PIEZO2: variants seen among roughly 807,000 people sequenced by gnomAD.
PIEZO2 encodes piezo-type mechanosensitive ion channel component 2.
A neutral mutation model predicts 337.3 loss-of-function variants in PIEZO2; 172 were observed. That is an observed-to-expected ratio of 0.51 (90% CI 0.45 to 0.58). The LOEUF (loss-of-function observed/expected upper bound fraction) is 0.58, where lower values mean the gene tolerates loss of function less well. PIEZO2 is among the 20% of genes least tolerant of loss of function. The probability of loss-of-function intolerance (pLI) is 0.00; values close to 1 mark genes in which losing one functional copy is unlikely to be tolerated. For synonymous variants in PIEZO2, 1,251 were observed against 1,228.5 expected, an observed-to-expected ratio of 1.02 and a Z score of -0.38; for missense variants, 3,028 against 3,391.3, an observed-to-expected ratio of 0.89 and a Z score of 2.66.
At chr18:10,898,206 G>A (rs1376288594) in intron 4 of PIEZO2, among the ~76,000 whole-genome samples, 2 of 152,180 alleles carry the variant, frequency 1.3e-5, no homozygotes, top group Non-Finnish European at 2.9e-5. Flanking sequence ...GTAAAATATT[G>A]TATATGAGAT....
chr18:10,982,114 G>C lies in PIEZO2; in HGVS notation c.161-2454C>G, dbSNP rs1410473843. Among the ~76,000 whole-genome samples, 1 of 152,108 alleles carries C rather than the reference G, an allele frequency of 6.6e-6. No homozygotes were observed. The highest frequency in any genetic ancestry group is 1.5e-5 in the Non-Finnish European group (1 of 68,006). On this transcript the variant is annotated intron_variant, in intron 2 of 55. Coordinates refer to ENST00000674853, the MANE Select transcript of PIEZO2 (RefSeq NM_001378183.1). This position sits in a 1 kb window ranked among gnomAD's most constrained non-coding sequence, Gnocchi z 4.1. Reference sequence around the variant, plus strand: ...CCAAACTGCATCAGTAGGCATATTTGTCTTTTCTTGATTTCAAAGAGAAAG... The same window carrying C: ...CCAAACTGCATCAGTAGGCATATTTCTCTTTTCTTGATTTCAAAGAGAAAG...
intron 2 of PIEZO2, among the ~76,000 whole-genome samples, chr18:11,042,797 T>C (rs555573548): frequency 6.6e-6 from 1 of 152,258 alleles, no homozygotes; most frequent in East Asian, 1.9e-4. Context: ...CATAGCACAT[T>C]AAGTAGATTG....
chr18:10,822,669 G>A (rs962275276), intron 7 of PIEZO2, among the ~76,000 whole-genome samples: 2 of 152,114 alleles, frequency 1.3e-5, no homozygotes, highest in Non-Finnish European at 2.9e-5. Context: ...ACTAAAGAAC[G>A]GCACAGCAGG....
intron 3 of PIEZO2, among the ~76,000 whole-genome samples, chr18:10,934,450 G>T (rs981641335): frequency 6.6e-6 from 1 of 152,188 alleles, no homozygotes; most frequent in African/African-American, 2.4e-5. Flanking sequence ...GGAAAAGTAT[G>T]AAAGGGGCTT....
intron 26 of PIEZO2, among the ~76,000 whole-genome samples, chr18:10,758,379 T>C (rs2037974846): frequency 6.6e-6 from 1 of 152,214 alleles, no homozygotes; most frequent in Non-Finnish European, 1.5e-5. Context: ...GAATTTTGTT[T>C]GCACATCGGT....
rs2039532166 is a variant in PIEZO2, at chr18:11,105,435, C to T, written c.65-39213G>A. The stretch of plus-strand genomic sequence containing the variant: ...AGCTCAGAAACGCATTCCAGCACCT[C>T]ACATCTTCATCCTCACGACACACTT... On this transcript the variant is annotated intron_variant, in intron 1 of 55. Coordinates refer to ENST00000674853, the MANE Select transcript of PIEZO2 (RefSeq NM_001378183.1). This position sits in a 1 kb window ranked among gnomAD's most constrained non-coding sequence, Gnocchi z 4.3. Among the ~76,000 whole-genome samples the T allele has an allele frequency of 6.6e-6, 1 of 152,164 alleles. No individual in the cohort carries two copies. Among genetic ancestry groups the T allele is most frequent in the Admixed American group, 6.5e-5 (1 of 15,276 alleles).
At chr18:10,789,762 T>C (rs973787229) in intron 14 of PIEZO2, among the ~76,000 whole-genome samples, 15 of 152,212 alleles carry the variant, frequency 9.9e-5, no homozygotes, top group African/African-American at 2.9e-4. Context: ...TTACTAAATG[T>C]GGTTAATGCT....
chr18:11,000,879 G>A (rs2145605451), intron 2 of PIEZO2, among the ~76,000 whole-genome samples: 1 of 152,240 alleles, frequency 6.6e-6, no homozygotes, highest in Non-Finnish European at 1.5e-5. Flanking sequence ...CAGTTCTATA[G>A]GGAGCTCTGG....
At chr18:10,796,769 T>C (rs2039613398) in intron 12 of PIEZO2, among the ~76,000 whole-genome samples, 1 of 152,170 alleles carries the variant, frequency 6.6e-6, no homozygotes, top group Admixed American at 6.5e-5. Context: ...TGGTCTCCTT[T>C]CTCCAGCACC....
In PIEZO2 at chr18:10,724,487, G is replaced by T; in HGVS notation, c.5030-6228C>A. 1 of 408,602 alleles carries T rather than the reference G, an allele frequency of 2.4e-6. No individual in the cohort carries two copies. Among genetic ancestry groups the T allele is most frequent in the Non-Finnish European group, 4.3e-6 (1 of 232,716 alleles). 25.3% of individuals were successfully genotyped at this position (408,602 alleles called of 1,614,324 possible). A position where few individuals can be genotyped will look rare whatever the true frequency, so the allele number is the denominator to read the frequency against. On this transcript the variant is annotated intron_variant, in intron 36 of 55. Transcript: ENST00000674853. The surrounding 1 kb of genome is among the most constrained non-coding windows in gnomAD (Gnocchi z 5.8). ...AGAGCCTGGGCCCACCAAAGGCAAT[G>T]CGGAGTACAGGGCCTGCTGGTCCTC...
intron 4 of PIEZO2, among the ~76,000 whole-genome samples, chr18:10,884,085 A>T (rs1221833530): frequency 6.6e-6 from 1 of 152,126 alleles, no homozygotes; most frequent in Non-Finnish European, 1.5e-5. Context: ...TGCTGGGATT[A>T]CAGGCGTAAG....
Position 10,748,749 on chromosome 18 carries a change from T to C in PIEZO2, c.4265-119A>G, listed in dbSNP as rs2037525328. The C allele has an allele frequency of 6.7e-6, 6 of 893,614 alleles. No homozygotes were observed. The highest frequency in any genetic ancestry group is 1.7e-5 in the African/African-American group (1 of 57,638). The allele number at this position is 893,614 out of a possible 1,614,324, so 55.4% of individuals were successfully genotyped here. A position where few individuals can be genotyped will look rare whatever the true frequency, so the allele number is the denominator to read the frequency against. ...AGGCATAAAAGCAGCATTCTGATGC[T>C]CTGACTTACTTATGAGTTGATTTAT... On this transcript the variant is annotated intron_variant, in intron 29 of 55. Transcript: ENST00000674853. The surrounding 1 kb of genome is among the most constrained non-coding windows in gnomAD (Gnocchi z 5.1).
intron 36 of PIEZO2, among the ~76,000 whole-genome samples, chr18:10,722,200 GA>G (rs1443699460): frequency 2.0e-5 from 3 of 149,108 alleles, no homozygotes. Context: ...GAAAATCTGG[GA>G]AACATCTGCA....
chr18:10,958,652 T>C (rs1283816036), intron 3 of PIEZO2, among the ~76,000 whole-genome samples: 2 of 152,174 alleles, frequency 1.3e-5, no homozygotes, highest in Non-Finnish European at 2.9e-5. Context: ...CCCATAAATA[T>C]ACACAATACT....
chr18:10,871,301 C>T lies in PIEZO2; in HGVS notation c.444G>A (p.Val148=), dbSNP rs2042133624. The change falls in exon 5 of 56, where the codon GTG becomes GTA. Residue 148 remains valine (V), a synonymous_variant. Transcript: ENST00000674853. ...GGTTACTCTGTGCTGCTTCGTCTGT[C>T]ACAGGTTTCTGAACAATGTTTCTAC... ...LLCRNIVQKP[V]TDEAAQSNPE... 1.3e-6 allele frequency: 2 copies of T among 1,537,110 alleles called. No homozygotes were observed. The highest frequency in any genetic ancestry group is 8.7e-7 in the Non-Finnish European group (1 of 1,146,882).
In PIEZO2 at chr18:11,143,287, T is replaced by A. The variant is rs111240628; in HGVS notation, c.64+5238A>T. Among the ~76,000 whole-genome samples, 11 of 152,190 alleles carry A rather than the reference T, an allele frequency of 7.2e-5. No individual in the cohort carries two copies. Among genetic ancestry groups the A allele is most frequent in the African/African-American group, 2.2e-4 (9 of 41,452 alleles). ...AATATCCAGATGGCTTATGCTATTC[T>A]AAGTTCTCCTGAATATTTATGCAAA... On this transcript the variant is annotated intron_variant, in intron 1 of 55. Transcript: ENST00000674853. The surrounding 1 kb of genome is among the most constrained non-coding windows in gnomAD (Gnocchi z 4.9).
In PIEZO2 at chr18:10,784,815, T is replaced by A. The variant is rs1380560202; in HGVS notation, c.2461A>T (p.Ile821Phe). Residue 821 changes from isoleucine to phenylalanine, a missense_variant, in exon 17 of 56, where the codon ATT becomes TTT. Physicochemically the swap from Ile to Phe is conservative, Grantham distance 21. Coordinates refer to ENST00000674853, the MANE Select transcript of PIEZO2 (RefSeq NM_001378183.1). This position sits in a 1 kb window ranked among gnomAD's most constrained non-coding sequence, Gnocchi z 4.5. ...RFLELTDLKS[I>F]PSKEDNTIYS... ...ATGGTGTTGTCTTCTTTGCTGGGAA[T>A]GGACTTGAGGTCTGTGAGTTCAAGG... 2 of 1,537,348 alleles carry A rather than the reference T, an allele frequency of 1.3e-6. No homozygotes were observed. Among genetic ancestry groups the A allele is most frequent in the Admixed American group, 2.0e-5 (1 of 50,950 alleles).
intron 3 of PIEZO2, among the ~76,000 whole-genome samples, chr18:10,976,327 G>A (rs531473273): frequency 2.6e-5 from 4 of 152,254 alleles, no homozygotes; most frequent in African/African-American, 9.6e-5. Flanking sequence ...CACCTGATGA[G>A]CCAATGCGAT....
chr18:10,683,692 T>A (rs2034380578), intron 49 of PIEZO2, among the ~76,000 whole-genome samples: 1 of 152,212 alleles, frequency 6.6e-6, no homozygotes, highest in African/African-American at 2.4e-5. Context: ...AGTGTATAGA[T>A]TTGCTCTTTC....
Sources: gnomAD v4.1 joint callset for allele counts (sites outside exome capture counted in the v4.1 genomes callset) on GRCh38, gnomAD v4.1.1 for gene constraint, Gnocchi (gnomAD v3.1) non-coding constraint, MANE v1.5 for transcripts, NCBI Gene and HGNC (gene_info 2026-07-23, HGNC 2026-07-21) for gene names.